WDR27: variants seen among roughly 807,000 people sequenced by gnomAD.
WDR27 encodes the protein WD repeat domain 27.
A neutral mutation model predicts 114.4 loss-of-function variants in WDR27; 100 were observed. That is an observed-to-expected ratio of 0.87 (90% CI 0.74 to 1.03). WDR27 has a LOEUF of 1.03. WDR27 is among the 50% of genes least tolerant of loss of function. The pLI is 0.00. For missense variants in WDR27, 1,129 were observed against 1,092.9 expected, an observed-to-expected ratio of 1.03 and a Z score of -0.47; for synonymous variants, 449 against 423.1, an observed-to-expected ratio of 1.06 and a Z score of -0.75.
At chr6:169,676,784 C>G (rs879884254) in intron 2 of WDR27, among the ~76,000 whole-genome samples, 4 of 152,278 alleles carry the variant, frequency 2.6e-5, no homozygotes, top group Admixed American at 6.5e-5. Context: ...TGGAAGCCCC[C>G]ACTTTGAACT....
chr6:169,602,533 A>G (rs1019319788), intron 22 of WDR27, among the ~76,000 whole-genome samples: 7 of 152,244 alleles, frequency 4.6e-5, no homozygotes, highest in Non-Finnish European at 1.0e-4. Flanking sequence ...TAAATTCCCA[A>G]AGATGACAAA....
chr6:169,445,034 T>C, the WDR27 span, among the ~76,000 whole-genome samples: 26 of 152,192 alleles, frequency 1.7e-4, no homozygotes, highest in African/African-American at 6.3e-4. Context: ...GCACACAGGA[T>C]GGGATTCGTG....
At chr6:169,502,353 G>C (rs1033548717) in intron 25 of WDR27, among the ~76,000 whole-genome samples, 1 of 152,196 alleles carries the variant, frequency 6.6e-6, no homozygotes, top group South Asian at 2.1e-4. Flanking sequence ...TTCCGTACAC[G>C]GACGGTCCCT....
intron 25 of WDR27, among the ~76,000 whole-genome samples, chr6:169,478,647 C>T (rs982071640): frequency 2.6e-5 from 4 of 151,810 alleles, no homozygotes; most frequent in Admixed American, 6.6e-5. Flanking sequence ...GATTAAAAAT[C>T]AGATGGAGCT....
chr6:169,665,700 T>A, intron 6 of WDR27, 144 bp from the exon 7 acceptor site: 1 of 811,184 alleles, frequency 1.2e-6, no homozygotes, highest in Non-Finnish European at 1.9e-6. Context: ...TCCAAAATAA[T>A]TTCTTCACCA....
intron 16 of WDR27, among the ~76,000 whole-genome samples, chr6:169,644,671 T>C (rs1297366225): frequency 6.8e-6 from 1 of 148,070 alleles, no homozygotes; most frequent in African/African-American, 2.5e-5. Flanking sequence ...GCCTAGTTCA[T>C]ATGAGTCACA....
At chr6:169,666,832 G>A in intron 6 of WDR27, 2 of 985,472 alleles carry the variant, frequency 2.0e-6, no homozygotes, top group Non-Finnish European at 2.4e-6. Flanking sequence ...TCTACAGAGA[G>A]CAGAAGGCTC....
intron 2 of WDR27, among the ~76,000 whole-genome samples, chr6:169,677,682 C>T (rs776088409): frequency 2.0e-5 from 3 of 152,224 alleles, no homozygotes; most frequent in Non-Finnish European, 4.4e-5. Flanking sequence ...CAAGACATTC[C>T]AGATATCTCC....
At chr6:169,462,580 T>C (rs1447366951) in intron 25 of WDR27, among the ~76,000 whole-genome samples, 5 of 152,138 alleles carry the variant, frequency 3.3e-5, no homozygotes, top group African/African-American at 9.7e-5. Flanking sequence ...ATTAACACCA[T>C]TTTTTCTGAA....
At chr6:169,580,883 CAAATTTTTAAAAATAAGG>C (rs1462596255) in intron 24 of WDR27, among the ~76,000 whole-genome samples, 1 of 147,508 alleles carries the variant, frequency 6.8e-6, no homozygotes, top group Non-Finnish European at 1.5e-5. Context: ...AGGAACCAGC[CAAATTTTTAAAAATAAGG>C]AAATTTTTAA....
chr6:169,578,932 G>A (rs7764979), intron 24 of WDR27, among the ~76,000 whole-genome samples: 2,022 of 152,228 alleles, frequency 0.013, 41 homozygotes, highest in African/African-American at 0.046. Context: ...TGCCGTAGAC[G>A]TCATCACACT....
chr6:169,601,864 C>G (rs1808051785), intron 23 of WDR27, among the ~76,000 whole-genome samples: 1 of 152,186 alleles, frequency 6.6e-6, no homozygotes, highest in Non-Finnish European at 1.5e-5. Context: ...AGGATCACAC[C>G]ATTAAACACA....
intron 21 of WDR27, among the ~76,000 whole-genome samples, chr6:169,632,084 A>AG (rs1349358318): frequency 6.6e-5 from 10 of 150,766 alleles, no homozygotes; most frequent in African/African-American, 1.9e-4. Flanking sequence ...GCTACTCAGG[A>AG]GGCTGAGGCA....
Position 169,701,879 on chromosome 6 carries a change from G to A in WDR27, c.-336C>T, listed in dbSNP as rs1788174816. On this transcript the variant is annotated 5_prime_UTR_variant, in exon 1 of 26. Transcript: ENST00000448612. Reference sequence around the variant, plus strand: ...CGCCCCAGAGCAGCAGCTCGGGTTCGGCGCCGACTCCGCGCCGAGACCAGC... The same window carrying A: ...CGCCCCAGAGCAGCAGCTCGGGTTCAGCGCCGACTCCGCGCCGAGACCAGC... 1 of 336,974 alleles carries A rather than the reference G, an allele frequency of 3.0e-6. No individual in the cohort carries two copies. Among genetic ancestry groups the A allele is most frequent in the South Asian group, 2.1e-5 (1 of 46,522 alleles). The allele number at this position is 336,974 out of a possible 1,614,324, so 20.9% of individuals were successfully genotyped here.
chr6:169,618,627 C>CA (rs560399990), intron 21 of WDR27, among the ~76,000 whole-genome samples: 63,450 of 91,428 alleles, frequency 0.69, 23,425 homozygotes, highest in Non-Finnish European at 0.78. Context: ...TGGATGACTG[C>CA]AAAAAAAAAA....
At chr6:169,583,360 T>C (rs1049965338) in intron 23 of WDR27, among the ~76,000 whole-genome samples, 1 of 148,862 alleles carries the variant, frequency 6.7e-6, no homozygotes, top group African/African-American at 2.5e-5. Context: ...AGGTAGGAGA[T>C]AGGTACATAC....
intron 13 of WDR27, among the ~76,000 whole-genome samples, chr6:169,654,735 G>GAGGAGGCGCGCAC (rs1554347950): frequency 2.0e-5 from 3 of 150,470 alleles, no homozygotes; most frequent in African/African-American, 4.9e-5. Context: ...GCGCGCACAG[G>GAGGAGGCGCGCAC]AGGAGGCGCG....
At chr6:169,607,567 A>G (rs1444543827) in intron 22 of WDR27, among the ~76,000 whole-genome samples, 1 of 152,230 alleles carries the variant, frequency 6.6e-6, no homozygotes, top group Non-Finnish European at 1.5e-5. Flanking sequence ...TGTGTGGCAG[A>G]TAAATAATGT....
chr6:169,652,482 C>T (rs1019868511), intron 13 of WDR27, among the ~76,000 whole-genome samples: 13 of 152,158 alleles, frequency 8.5e-5, no homozygotes, highest in Non-Finnish European at 7.4e-5. Context: ...CGCCTGACCT[C>T]GTGATCCACC....
Sources: gnomAD v4.1 joint callset for allele counts (sites outside exome capture counted in the v4.1 genomes callset) on GRCh38, gnomAD v4.1.1 for gene constraint, MANE v1.5 for transcripts, NCBI Gene and HGNC (gene_info 2026-07-23, HGNC 2026-07-21) for gene names.